The following PTPRN2 variants were observed in gnomAD, a reference collection of about 807,000 sequenced individuals.
PTPRN2 encodes protein tyrosine phosphatase receptor type N2.
Under a neutral mutation model 118.8 loss-of-function variants are expected in PTPRN2, and 74 were observed. That is an observed-to-expected ratio of 0.62 (90% CI 0.52 to 0.76). The LOEUF (loss-of-function observed/expected upper bound fraction) is 0.76, where lower values mean the gene tolerates loss of function less well. Ranked by LOEUF, PTPRN2 falls within the 30% of genes least tolerant of loss-of-function variation. The pLI is 0.00. For synonymous variants in PTPRN2, 641 were observed against 608.0 expected (o/e 1.05, Z -0.80); for missense variants, 1,481 against 1,394.4 (o/e 1.06, Z -0.99).
At position 158,151,828 on chromosome 7, in the gene PTPRN2, C is replaced by T. The variant is rs557525473; in HGVS notation, c.911-13313G>A. On this transcript the variant is annotated intron_variant, in intron 6 of 22. Coordinates refer to ENST00000389418, the MANE Select transcript of PTPRN2 (RefSeq NM_002847.5). ...CAGAGATAAATCCATGAGCAAAGTCCTTGCTTTTGTGTGACTTCCATCTAT... is the reference window on the plus strand; with the variant it reads ...CAGAGATAAATCCATGAGCAAAGTCTTTGCTTTTGTGTGACTTCCATCTAT... Among the ~76,000 whole-genome samples, 97 of 152,320 alleles carry T rather than the reference C, an allele frequency of 6.4e-4. 5 individuals are homozygous for T. In the South Asian group the frequency reaches 0.019, roughly 29 times the overall value.
Position 158,178,911 on chromosome 7 carries a change from A to G in PTPRN2, c.550-11620T>C, listed in dbSNP as rs1423233303. Reference sequence around the variant, plus strand: ...TGCACCTTTAGCCACTCATCAGTCAATGGGCACTTAGACTGGTTCCATATC... The same window carrying G: ...TGCACCTTTAGCCACTCATCAGTCAGTGGGCACTTAGACTGGTTCCATATC... On this transcript the variant is annotated intron_variant, in intron 5 of 22. Coordinates refer to ENST00000389418, the MANE Select transcript of PTPRN2 (RefSeq NM_002847.5). 1.1e-4 allele frequency among the ~76,000 whole-genome samples: 17 copies of G among 152,278 alleles called. No homozygotes were observed. In the East Asian group the frequency reaches 2.9e-3, roughly 26 times the overall value.
At chr7:157,768,215 G>A (rs1247729265) in intron 12 of PTPRN2, among the ~76,000 whole-genome samples, 1 of 152,194 alleles carries the variant, frequency 6.6e-6, no homozygotes, top group Non-Finnish European at 1.5e-5. Context: ...CCAGATTGCT[G>A]GAATATCAAA....
rs1037296331 is a variant in PTPRN2, at chr7:157,597,253, G to A, written c.2419-1938C>T. ...TGATTCGTAATTAAAACTGGACCTCGTTTTGAAATTCGCCACAACACACAC... is the reference window on the plus strand; with the variant it reads ...TGATTCGTAATTAAAACTGGACCTCATTTTGAAATTCGCCACAACACACAC... On this transcript the variant is annotated intron_variant, in intron 16 of 22. Transcript: ENST00000389418. Among the ~76,000 whole-genome samples the A allele has an allele frequency of 2.0e-5, 3 of 152,172 alleles. No individual in the cohort carries two copies. The South Asian group carries it at 6.2e-4, about 32-fold the overall frequency.
intron 12 of PTPRN2, among the ~76,000 whole-genome samples, chr7:157,895,868 C>T (rs1332836362): frequency 3.9e-5 from 6 of 152,108 alleles, no homozygotes; most frequent in Non-Finnish European, 5.9e-5. Flanking sequence ...CCCAGTGGTG[C>T]GGGTCCTGGG....
At chr7:157,966,751 T>C (rs1449987213) in intron 11 of PTPRN2, among the ~76,000 whole-genome samples, 1 of 146,374 alleles carries the variant, frequency 6.8e-6, no homozygotes, top group African/African-American at 2.5e-5. Context: ...TTATCACCAT[T>C]ACCATTATCA....
intron 10 of PTPRN2, among the ~76,000 whole-genome samples, chr7:158,106,219 A>C (rs1295469878): frequency 6.6e-6 from 1 of 151,580 alleles, no homozygotes; most frequent in African/African-American, 2.4e-5. Context: ...TCCCAGCCCC[A>C]TCCACCTAGC....
At position 158,514,882 on chromosome 7, in the gene PTPRN2, G is replaced by A. The variant is rs576464549; in HGVS notation, c.113-25097C>T. Among the ~76,000 whole-genome samples, 323 of 152,278 alleles carry A rather than the reference G, an allele frequency of 2.1e-3. 1 individual carries two copies. The highest frequency in any genetic ancestry group is 3.6e-3 in the Non-Finnish European group (248 of 68,020). ...CCGCCTGCCTCAAAGTCACTGGCAC[G>A]TGTGTGGTTTGCTGCTCCTGGACCC... On this transcript the variant is annotated intron_variant, in intron 1 of 22. Transcript: ENST00000389418.
rs1172023281 is a variant in PTPRN2, at chr7:157,944,897, T to G, written c.1724-46160A>C. ...TACACAGTCCACAGTCCACAACTCCTGAATCCTGCCTAGTATTTATACAGT... is the reference window on the plus strand; with the variant it reads ...TACACAGTCCACAGTCCACAACTCCGGAATCCTGCCTAGTATTTATACAGT... On this transcript the variant is annotated intron_variant, in intron 11 of 22. Transcript: ENST00000389418. The surrounding 1 kb of genome is among the most constrained non-coding windows in gnomAD (Gnocchi z 4.3). 6.6e-6 allele frequency among the ~76,000 whole-genome samples: 1 copy of G among 152,222 alleles called. No homozygotes were observed. Among genetic ancestry groups the G allele is most frequent in the Non-Finnish European group, 1.5e-5 (1 of 68,038 alleles).
intron 12 of PTPRN2, among the ~76,000 whole-genome samples, chr7:157,836,627 C>CACAT (rs1807949820): frequency 6.6e-6 from 1 of 151,880 alleles, no homozygotes. Context: ...CACACACACA[C>CACAT]ACACATCCTA....
At chr7:158,283,483 C>A (rs1223417539) in intron 3 of PTPRN2, among the ~76,000 whole-genome samples, 1 of 152,158 alleles carries the variant, frequency 6.6e-6, no homozygotes, top group Non-Finnish European at 1.5e-5. Context: ...GGGCTTGCCG[C>A]AGGGACGGGA....
intron 12 of PTPRN2, among the ~76,000 whole-genome samples, chr7:157,748,270 C>T (rs1801148474): frequency 6.7e-6 from 1 of 149,862 alleles, no homozygotes; most frequent in Non-Finnish European, 1.5e-5. Context: ...ATTCTGAGGC[C>T]TGCGTCCCTG....
At chr7:157,749,826 G>T (rs557925498) in intron 12 of PTPRN2, among the ~76,000 whole-genome samples, 1 of 144,712 alleles carries the variant, frequency 6.9e-6, no homozygotes, top group East Asian at 2.1e-4. Context: ...TGATTTTGAG[G>T]CCTGCGTCCC....
intron 11 of PTPRN2, among the ~76,000 whole-genome samples, chr7:158,047,538 C>T (rs1259378741): frequency 7.9e-5 from 12 of 151,484 alleles, no homozygotes; most frequent in South Asian, 2.1e-4. Context: ...ACTGAGGGTG[C>T]GAGGGCTACC....
At chr7:157,716,069 A>T (rs1563031110) in intron 12 of PTPRN2, among the ~76,000 whole-genome samples, 1 of 152,244 alleles carries the variant, frequency 6.6e-6, no homozygotes, top group South Asian at 2.1e-4. Context: ...GGGACATGGG[A>T]TGGCCTGTGA....
chr7:157,873,151 G>A (rs539156756), intron 12 of PTPRN2, among the ~76,000 whole-genome samples: 85 of 152,350 alleles, frequency 5.6e-4, no homozygotes, highest in African/African-American at 2.0e-3. Flanking sequence ...CTCTGACCGG[G>A]CCTCTTGCCT....
rs1010083085 is a variant in PTPRN2 at position 157,560,727 on chromosome 7, A to G, written c.2902+8175T>C. 2.0e-5 allele frequency among the ~76,000 whole-genome samples: 3 copies of G among 151,804 alleles called. No individual in the cohort carries two copies. Among genetic ancestry groups the G allele is most frequent in the African/African-American group, 7.3e-5 (3 of 41,298 alleles). The stretch of plus-strand genomic sequence containing the variant: ...GCTCCCTCTCCCCTTCCCTCCTCCC[A>G]CCTCACCCAATTCTGGGCACTTTTT... On this transcript the variant is annotated intron_variant, in intron 21 of 22. Coordinates refer to ENST00000389418, the MANE Select transcript of PTPRN2 (RefSeq NM_002847.5). The surrounding 1 kb of genome is among the most constrained non-coding windows in gnomAD (Gnocchi z 6.7).
At chr7:158,049,394 T>C (rs1809161678) in intron 11 of PTPRN2, among the ~76,000 whole-genome samples, 1 of 152,196 alleles carries the variant, frequency 6.6e-6, no homozygotes, top group African/African-American at 2.4e-5. Flanking sequence ...CGACACTACA[T>C]GCTCTGCCCT....
At chr7:158,196,999 C>A (rs1434063434) in intron 4 of PTPRN2, among the ~76,000 whole-genome samples, 2 of 152,108 alleles carry the variant, frequency 1.3e-5, no homozygotes, top group African/African-American at 2.4e-5. Flanking sequence ...TCAAGGAGCA[C>A]CTGTATACGT....
chr7:158,190,892 G>T (rs1176756260), intron 5 of PTPRN2, among the ~76,000 whole-genome samples: 1 of 152,248 alleles, frequency 6.6e-6, no homozygotes, highest in Non-Finnish European at 1.5e-5. Flanking sequence ...AAAGATGGCT[G>T]CCCAGGAGCT....
Sources: gnomAD v4.1 joint callset for allele counts (sites outside exome capture counted in the v4.1 genomes callset) on GRCh38, gnomAD v4.1.1 for gene constraint, Gnocchi (gnomAD v3.1) non-coding constraint, MANE v1.5 for transcripts, NCBI Gene and HGNC (gene_info 2026-07-23, HGNC 2026-07-21) for gene names.